The following MLKL variants were observed in gnomAD, a reference collection of about 807,000 sequenced individuals.
The protein encoded by MLKL is mixed lineage kinase domain like pseudokinase, also known as mixed lineage kinase domain-like protein.
MLKL carries 55 observed loss-of-function variants against 56.5 expected under a neutral mutation model. That is an observed-to-expected ratio of 0.97 (90% CI 0.78 to 1.22). The LOEUF (loss-of-function observed/expected upper bound fraction) is 1.22. Ranked by LOEUF, MLKL falls within the 50% of genes most tolerant of loss-of-function variation. MLKL has a pLI of 0.00. For synonymous variants in MLKL, 251 were observed against 208.3 expected (o/e 1.20, Z -1.76); for missense variants, 694 against 573.9 (o/e 1.21, Z -2.14).
At position 74,675,692 on chromosome 16, in the gene MLKL, C is replaced by A; in HGVS notation, c.1111G>T (p.Val371Phe). Residue 371 changes from valine to phenylalanine, a missense_variant, in exon 8 of 11, where the codon GTC becomes TTC. Transcript: ENST00000308807. ...GGTGAGAGATATGCTGTAGATTTGA[C>A]TCTGTCTGTCTTTTCTCTCGTAGTT... is the stretch of plus-strand genomic sequence containing the variant. ...LGTTREKTDR[V>F]KSTAYLSPQE... is the part of the protein sequence containing the mutation. The A allele has an allele frequency of 6.2e-7, 1 of 1,614,108 alleles. No homozygotes were observed. The highest frequency in any genetic ancestry group is 8.5e-7 in the Non-Finnish European group (1 of 1,180,012).
chr16:74,683,631 T>G (rs111587487), intron 5 of MLKL, among the ~76,000 whole-genome samples: 3,313 of 152,218 alleles, frequency 0.022, 42 homozygotes, highest in Middle Eastern at 0.048. Context: ...TTTTTCTTTT[T>G]TAACTTCTAT....
intron 1 of MLKL, among the ~76,000 whole-genome samples, chr16:74,698,005 A>G (rs1440486337): frequency 6.6e-6 from 1 of 152,118 alleles, no homozygotes; most frequent in African/African-American, 2.4e-5. Flanking sequence ...TGAGTTCGAG[A>G]CCAGCCTGGG....
chr16:74,682,435 T>C (rs543299283), intron 6 of MLKL, among the ~76,000 whole-genome samples: 1 of 152,230 alleles, frequency 6.6e-6, no homozygotes, highest in South Asian at 2.1e-4. Flanking sequence ...ATAAGTGCAG[T>C]GTGGACATCA....
intron 2 of MLKL, among the ~76,000 whole-genome samples, chr16:74,694,506 T>C (rs1257791613): frequency 1.3e-5 from 2 of 152,036 alleles, no homozygotes; most frequent in East Asian, 3.9e-4. Context: ...CCTAGGTGCC[T>C]GTAATCCCAG....
chr16:74,675,403 A>G lies in MLKL; in HGVS notation c.1192T>C (p.Phe398Leu). ...GCGATTTCCCAGAGGACGATTCCAAAGCTAAAAGAAAACCAAGAAACTGAA... is the reference window on the plus strand; with the variant it reads ...GCGATTTCCCAGAGGACGATTCCAAGGCTAAAAGAAAACCAAGAAACTGAA... ...QYDVKSEIYS[F>L]GIVLWEIATG... Residue 398 changes from phenylalanine to leucine, a missense_variant and splice_region_variant, in exon 9 of 11, where the codon TTT becomes CTT. Transcript: ENST00000308807. The G allele has an allele frequency of 6.2e-7, 1 of 1,613,808 alleles. No homozygotes were observed. Among genetic ancestry groups the G allele is most frequent in the Non-Finnish European group, 8.5e-7 (1 of 1,180,026 alleles).
chr16:74,681,343 A>G (rs1959954653), intron 6 of MLKL, among the ~76,000 whole-genome samples: 2 of 152,158 alleles, frequency 1.3e-5, no homozygotes, highest in African/African-American at 4.8e-5. Context: ...CGATTTTTAA[A>G]AAGTGAGTCA....
At chr16:74,690,094 A>C (rs1237019320) in intron 4 of MLKL, among the ~76,000 whole-genome samples, 1 of 152,234 alleles carries the variant, frequency 6.6e-6, no homozygotes, top group African/African-American at 2.4e-5. Context: ...ACCGTGATGG[A>C]AAAAAGGGCA....
chr16:74,686,873 A>G (rs1035592845), intron 4 of MLKL, among the ~76,000 whole-genome samples: 3 of 152,248 alleles, frequency 2.0e-5, no homozygotes, highest in African/African-American at 7.2e-5. Flanking sequence ...TTCATTTCCA[A>G]TAGCATAAAG....
At chr16:74,675,951 A>G (rs1279190028) in intron 7 of MLKL, 187 bp from the exon 8 acceptor site, 5 of 619,330 alleles carry the variant, frequency 8.1e-6, no homozygotes, top group Non-Finnish European at 1.1e-5. Context: ...ATCACAGTGC[A>G]GTGACCAAGA....
rs550620231 is a variant in MLKL at position 74,673,240 on chromosome 16, CAG to C, written c.1382-704_1382-703del. ...TCTTTTCTTTCTTTCTCTTTTGAGA[CAG>C]AGTCTTGCTCTGTCACCCAGGCTGG... On this transcript the variant is annotated intron_variant, in intron 10 of 10. Coordinates refer to ENST00000308807, the MANE Select transcript of MLKL (RefSeq NM_152649.4). Among the ~76,000 whole-genome samples, 9 of 152,214 alleles carry C rather than the reference CAG, an allele frequency of 5.9e-5. No individual in the cohort carries two copies. In the South Asian group the frequency reaches 1.0e-3, roughly 18 times the overall value.
At position 74,682,783 on chromosome 16, in the gene MLKL, G is replaced by T. The variant is rs951313891; in HGVS notation, c.824C>A (p.Thr275Asn). ...IFGICIDETV[T>N]PPQFSIVMEY... is the part of the protein sequence containing the mutation. ...CATGACAATGGAGAATTGAGGCGGA[G>T]TCACTGGTGGAAAGGAGCCAGACAC... Residue 275 changes from threonine (T) to asparagine (N), a missense_variant, in exon 6 of 11, where the codon ACT becomes AAT. Thr to Asn is a moderately conservative substitution (Grantham distance 65). Coordinates refer to ENST00000308807, the MANE Select transcript of MLKL (RefSeq NM_152649.4). 2.5e-6 allele frequency: 4 copies of T among 1,613,936 alleles called. No homozygotes were observed. The African/African-American group carries it at 4.0e-5, about 16-fold the overall frequency.
At chr16:74,681,998 C>G (rs1476735009) in intron 6 of MLKL, among the ~76,000 whole-genome samples, 1 of 152,072 alleles carries the variant, frequency 6.6e-6, no homozygotes, top group Admixed American at 6.6e-5. Context: ...GTAATCCCAG[C>G]ACTTTGGAAA....
At chr16:74,686,308 C>A (rs374622925) in intron 4 of MLKL, among the ~76,000 whole-genome samples, 1 of 151,100 alleles carries the variant, frequency 6.6e-6, no homozygotes, top group African/African-American at 2.4e-5. Flanking sequence ...CTAGGCCGGG[C>A]GTGGTGGCTC....
At chr16:74,680,631 C>A (rs553980262) in intron 6 of MLKL, among the ~76,000 whole-genome samples, 3 of 152,238 alleles carry the variant, frequency 2.0e-5, no homozygotes, top group East Asian at 1.9e-4. Context: ...CTCAGCCTTA[C>A]GAGTAGCTGG....
At chr16:74,691,729 C>A (rs923969717) in intron 3 of MLKL, among the ~76,000 whole-genome samples, 3 of 152,196 alleles carry the variant, frequency 2.0e-5, no homozygotes, top group Admixed American at 6.6e-5. Context: ...TCCCTCCAGC[C>A]TTAACCCTCA....
At chr16:74,694,992 C>T (rs1457490603) in intron 2 of MLKL, among the ~76,000 whole-genome samples, 1 of 152,114 alleles carries the variant, frequency 6.6e-6, no homozygotes, top group Non-Finnish European at 1.5e-5. Context: ...CCTGCCTCAG[C>T]CTCCCGAGTA....
In MLKL at chr16:74,691,328, C is replaced by T. The variant is rs770987862; in HGVS notation, c.671G>A (p.Arg224Lys). 5 of 1,613,372 alleles carry T rather than the reference C, an allele frequency of 3.1e-6. No homozygotes were observed. The South Asian group carries it at 5.5e-5, about 18-fold the overall frequency. Residue 224 changes from arginine to lysine, a missense_variant, in exon 4 of 11, where the codon AGA (arginine) becomes AAA (lysine). Arg to Lys is a conservative substitution (Grantham distance 26). Transcript: ENST00000308807. ...VSTLYKGEYH[R>K]APVAIKVFKK... ...GAATACTTTTATGGCCACTGGAGCT[C>T]TGTGGTATTCTCCTTTATAAAGTGT...
chr16:74,695,209 A>T, intron 2 of MLKL, 89 bp downstream of exon 2: 1 of 1,368,084 alleles, frequency 7.3e-7, no homozygotes, highest in Non-Finnish European at 1.0e-6. Flanking sequence ...AACTGCTCAA[A>T]CTTCATCATT....
intron 6 of MLKL, among the ~76,000 whole-genome samples, chr16:74,679,483 A>G (rs1198343597): frequency 6.6e-6 from 1 of 152,174 alleles, no homozygotes; most frequent in Non-Finnish European, 1.5e-5. Context: ...ATCATGAGCC[A>G]TGATTTGGGC....
Sources: gnomAD v4.1 joint callset for allele counts (sites outside exome capture counted in the v4.1 genomes callset) on GRCh38, gnomAD v4.1.1 for gene constraint, MANE v1.5 for transcripts, NCBI Gene and HGNC (gene_info 2026-07-23, HGNC 2026-07-21) for gene names.